Variants in CCDC178 observed in about 807,000 individuals in gnomAD.
CCDC178 encodes the protein coiled-coil domain containing 178.
Under a neutral mutation model 117.4 loss-of-function variants are expected in CCDC178, and 126 were observed. The observed-to-expected ratio is 1.07, with a 90% CI of 0.93 to 1.24. CCDC178 has a LOEUF of 1.24. CCDC178 is among the 50% of genes most tolerant of loss of function. The pLI is 0.00. For missense variants in CCDC178, 1,030 were observed against 986.9 expected, an observed-to-expected ratio of 1.04 and a Z score of -0.59; for synonymous variants, 283 against 313.4, an observed-to-expected ratio of 0.90 and a Z score of 1.02.
intron 21 of CCDC178, among the ~76,000 whole-genome samples, chr18:33,035,303 A>G (rs1311189886): frequency 1.3e-5 from 2 of 151,986 alleles, no homozygotes; most frequent in African/African-American, 4.8e-5. Context: ...AAATTCCAGC[A>G]TACAAGTGGA....
At chr18:33,275,702 A>T (rs2059941059) in intron 12 of CCDC178, among the ~76,000 whole-genome samples, 1 of 139,482 alleles carries the variant, frequency 7.2e-6, no homozygotes, top group East Asian at 2.3e-4. Context: ...GGAAGCGGGG[A>T]GAGAAGGGAA....
Position 33,316,306 on chromosome 18 carries a change from G to T in CCDC178, c.1022+7185C>A, listed in dbSNP as rs779593813. Among the ~76,000 whole-genome samples, 3 of 152,214 alleles carry T rather than the reference G, an allele frequency of 2.0e-5. No individual in the cohort carries two copies. The East Asian group carries it at 5.8e-4, about 29-fold the overall frequency. ...AGTTCCGTGGGTGTGAGCTGGGAGG[G>T]CCCCACACTCGAAGCGGCCGGCTGC... On this transcript the variant is annotated intron_variant, in intron 11 of 22. Coordinates refer to ENST00000383096, the MANE Select transcript of CCDC178 (RefSeq NM_001105528.4).
intron 5 of CCDC178, among the ~76,000 whole-genome samples, chr18:33,370,732 T>C (rs1263040882): frequency 1.2e-4 from 18 of 151,966 alleles, no homozygotes; most frequent in Non-Finnish European, 2.6e-4. Context: ...CTACCTTCCA[T>C]TTCTGAAAAT....
intron 21 of CCDC178, among the ~76,000 whole-genome samples, chr18:33,050,768 GTCA>G (rs796376803): frequency 2.2e-4 from 33 of 152,234 alleles, no homozygotes; most frequent in African/African-American, 7.9e-4. Context: ...CACCAGAAAG[GTCA>G]TCAAGAAAGA....
intron 15 of CCDC178, among the ~76,000 whole-genome samples, chr18:33,243,325 G>C (rs530314641): frequency 1.3e-5 from 2 of 151,720 alleles, no homozygotes; most frequent in Non-Finnish European, 2.9e-5. Flanking sequence ...ATAAGTTCTC[G>C]TGTTCCATAC....
intron 20 of CCDC178, among the ~76,000 whole-genome samples, chr18:33,157,486 A>T (rs940932172): frequency 1.5e-4 from 23 of 152,214 alleles, no homozygotes; most frequent in Non-Finnish European, 2.6e-4. Flanking sequence ...ACAGACCAAA[A>T]TGTTAGAAAA....
intron 9 of CCDC178, among the ~76,000 whole-genome samples, chr18:33,343,877 AAT>A (rs1201145493): frequency 1.3e-5 from 2 of 152,194 alleles, no homozygotes; most frequent in Admixed American, 6.5e-5. Context: ...AGACTATAAA[AAT>A]ATATGTCTCT....
At chr18:33,265,503 G>A (rs2059801789) in intron 14 of CCDC178, among the ~76,000 whole-genome samples, 2 of 152,076 alleles carry the variant, frequency 1.3e-5, no homozygotes, top group African/African-American at 2.4e-5. Context: ...TTAGGTAGAA[G>A]GAAGTGGTAA....
rs1183615833 is a variant in CCDC178, at chr18:33,226,862, G to A, written c.1594-7C>T. The A allele has an allele frequency of 1.3e-6, 2 of 1,509,022 alleles. No individual in the cohort carries two copies. Among genetic ancestry groups the A allele is most frequent in the East Asian group, 2.4e-5 (1 of 42,120 alleles). 93.5% of individuals were successfully genotyped at this position (1,509,022 alleles called of 1,614,324 possible). On this transcript the variant is annotated splice_region_variant and splice_polypyrimidine_tract_variant and intron_variant, in intron 15 of 22. Transcript: ENST00000383096. ...TCAGGAATTCTTCTCTACCCTATAT[G>A]TTAGGAAATTTTTAAAATGAGGATT...
intron 2 of CCDC178, among the ~76,000 whole-genome samples, chr18:33,423,846 A>C (rs1161791022): frequency 6.6e-6 from 1 of 152,194 alleles, no homozygotes; most frequent in Non-Finnish European, 1.5e-5. Flanking sequence ...CATTCCAAAC[A>C]CCCATAAAAA....
At chr18:33,254,251 AACACACACACACAC>A (rs34689445) in intron 14 of CCDC178, among the ~76,000 whole-genome samples, 77 of 135,464 alleles carry the variant, frequency 5.7e-4, no homozygotes, top group African/African-American at 1.1e-3. Flanking sequence ...TCTATTGAGA[AACACACACACACAC>A]ACACACACAC....
At chr18:33,085,260 T>C (rs1327245872) in intron 21 of CCDC178, among the ~76,000 whole-genome samples, 3 of 152,216 alleles carry the variant, frequency 2.0e-5, no homozygotes, top group East Asian at 3.9e-4. Context: ...CTAGGTGCTT[T>C]ATATTTAAAA....
At position 32,938,105 on chromosome 18, in the gene CCDC178, A is replaced by G; in HGVS notation, c.2524-14T>C. ...TGAAGATTCCTCCTGTTCAGAAGCAAGAAACAAACAAAATCAATAAGTACT... is the reference window on the plus strand; with the variant it reads ...TGAAGATTCCTCCTGTTCAGAAGCAGGAAACAAACAAAATCAATAAGTACT... On this transcript the variant is annotated splice_polypyrimidine_tract_variant and intron_variant, in intron 22 of 22. Coordinates refer to ENST00000383096, the MANE Select transcript of CCDC178 (RefSeq NM_001105528.4). The G allele has an allele frequency of 6.3e-7, 1 of 1,578,988 alleles. No homozygotes were observed. The highest frequency in any genetic ancestry group is 8.7e-7 in the Non-Finnish European group (1 of 1,148,160).
chr18:32,980,948 C>T (rs2055143007), intron 21 of CCDC178, among the ~76,000 whole-genome samples: 2 of 152,282 alleles, frequency 1.3e-5, no homozygotes, highest in South Asian at 4.1e-4. Flanking sequence ...AAGCTACATA[C>T]TCTAGACTTG....
intron 15 of CCDC178, among the ~76,000 whole-genome samples, chr18:33,233,938 G>C (rs2059397256): frequency 6.6e-6 from 1 of 152,026 alleles, no homozygotes; most frequent in Non-Finnish European, 1.5e-5. Context: ...ACAAAGTTCA[G>C]ATAATTAAAT....
intron 21 of CCDC178, among the ~76,000 whole-genome samples, chr18:33,016,038 T>A (rs2055981278): frequency 6.6e-6 from 1 of 152,108 alleles, no homozygotes; most frequent in Admixed American, 6.5e-5. Context: ...AAAACATTAA[T>A]CTACACATTC....
At chr18:33,046,134 A>C (rs1392304131) in intron 21 of CCDC178, among the ~76,000 whole-genome samples, 1 of 152,196 alleles carries the variant, frequency 6.6e-6, no homozygotes, top group Non-Finnish European at 1.5e-5. Flanking sequence ...ACATGAAATA[A>C]ATACAAATAC....
At chr18:33,131,643 G>T (rs994568899) in intron 20 of CCDC178, among the ~76,000 whole-genome samples, 2 of 151,644 alleles carry the variant, frequency 1.3e-5, no homozygotes, top group African/African-American at 4.8e-5. Context: ...AACATTAAAA[G>T]AATATTTGTT....
intron 20 of CCDC178, among the ~76,000 whole-genome samples, chr18:33,206,185 A>G (rs1423326443): frequency 1.3e-5 from 2 of 152,196 alleles, no homozygotes; most frequent in African/African-American, 4.8e-5. Flanking sequence ...TAACTGGGTC[A>G]ATGTGCAACT....
Sources: allele counts gnomAD v4.1 joint callset (sites outside exome capture counted in the v4.1 genomes callset), GRCh38; gene constraint gnomAD v4.1.1; transcripts MANE v1.5; gene names NCBI Gene and HGNC (gene_info 2026-07-23, HGNC 2026-07-21).